EFCAB11: variants seen among roughly 807,000 people sequenced by gnomAD.
EFCAB11 encodes the protein EF-hand calcium-binding domain-containing protein 11.
EFCAB11 carries 14 observed loss-of-function variants against 23.0 expected under a neutral mutation model. The observed-to-expected ratio is 0.61, with a 90% confidence interval of 0.40 to 0.95. The LOEUF (loss-of-function observed/expected upper bound fraction) is 0.95. Ranked by LOEUF, EFCAB11 falls within the 40% of genes least tolerant of loss-of-function variation. The probability of loss-of-function intolerance (pLI) is 0.00; values close to 1 mark genes in which losing one functional copy is unlikely to be tolerated. For missense variants in EFCAB11, 198 were observed against 195.8 expected (o/e 1.01, Z -0.07); for synonymous variants, 65 against 66.6 (o/e 0.98, Z 0.11).
intron 5 of EFCAB11, among the ~76,000 whole-genome samples, chr14:89,807,021 T>C (rs565580011): frequency 1.3e-5 from 2 of 152,254 alleles, no homozygotes; most frequent in Admixed American, 6.5e-5. Context: ...ATATGAAATA[T>C]GAATGGAGAG....
intron 5 of EFCAB11, among the ~76,000 whole-genome samples, chr14:89,914,790 A>AG (rs897456748): frequency 1.3e-5 from 2 of 151,952 alleles, no homozygotes; most frequent in African/African-American, 4.8e-5. Context: ...GGTCTCGAAA[A>AG]GAAAAAAAAA....
At chr14:89,932,305 T>G (rs560562485) in intron 4 of EFCAB11, among the ~76,000 whole-genome samples, 1 of 152,256 alleles carries the variant, frequency 6.6e-6, no homozygotes, top group South Asian at 2.1e-4. Context: ...GTACAATATA[T>G]TAGTACAACT....
chr14:89,870,974 C>T (rs990123972), intron 5 of EFCAB11, among the ~76,000 whole-genome samples: 1 of 152,108 alleles, frequency 6.6e-6, no homozygotes, highest in South Asian at 2.1e-4. Context: ...AAACATAGCT[C>T]CCGCTGTGTT....
intron 3 of EFCAB11, among the ~76,000 whole-genome samples, chr14:89,943,044 C>T (rs912401914): frequency 3.9e-5 from 6 of 152,132 alleles, no homozygotes; most frequent in Admixed American, 2.6e-4. Context: ...GAATGTGAGT[C>T]TGACCTTGCC....
intron 5 of EFCAB11, among the ~76,000 whole-genome samples, chr14:89,844,006 G>A (rs1215130639): frequency 6.6e-6 from 1 of 152,178 alleles, no homozygotes; most frequent in Non-Finnish European, 1.5e-5. Flanking sequence ...ACTCCATTCA[G>A]TTTTGAGAAA....
chr14:89,876,033 T>TA (rs1347234081), intron 5 of EFCAB11, among the ~76,000 whole-genome samples: 1 of 152,124 alleles, frequency 6.6e-6, no homozygotes, highest in Non-Finnish European at 1.5e-5. Flanking sequence ...GGGTGAAGGT[T>TA]ACATTTGGCA....
intron 5 of EFCAB11, among the ~76,000 whole-genome samples, chr14:89,887,602 A>G (rs149633042): frequency 1.5e-4 from 23 of 152,332 alleles, no homozygotes; most frequent in African/African-American, 5.3e-4. Context: ...ATAAAGTAAC[A>G]CTGAAAATAA....
At chr14:89,803,221 CTAATA>C (rs1885845021) in intron 5 of EFCAB11, among the ~76,000 whole-genome samples, 2 of 152,194 alleles carry the variant, frequency 1.3e-5, no homozygotes, top group Admixed American at 6.5e-5. Flanking sequence ...TCTACACTTA[CTAATA>C]TAATTGCTTT....
At chr14:89,925,864 C>T (rs537363448) in intron 5 of EFCAB11, among the ~76,000 whole-genome samples, 7 of 151,428 alleles carry the variant, frequency 4.6e-5, no homozygotes, top group South Asian at 2.1e-4. Flanking sequence ...AGTCTTGCTC[C>T]GTCGCCCAGG....
intron 5 of EFCAB11, among the ~76,000 whole-genome samples, chr14:89,876,116 G>A (rs1215254744): frequency 6.6e-6 from 1 of 152,198 alleles, no homozygotes; most frequent in Admixed American, 6.5e-5. Flanking sequence ...ATACTGTACT[G>A]AGTTCAGAAG....
intron 5 of EFCAB11, 26 bp from the exon 6 acceptor site, chr14:89,797,350 T>C: frequency 6.2e-7 from 1 of 1,605,566 alleles, no homozygotes; most frequent in South Asian, 1.1e-5. Flanking sequence ...AAAAGTCATT[T>C]ACACATTATT....
chr14:89,921,902 T>C (rs1405124603), intron 5 of EFCAB11, among the ~76,000 whole-genome samples: 4 of 152,220 alleles, frequency 2.6e-5, no homozygotes, highest in Non-Finnish European at 5.9e-5. Context: ...ATTTTATAAA[T>C]ATGACATTCA....
At chr14:89,810,755 CAAAA>C (rs374599977) in intron 5 of EFCAB11, among the ~76,000 whole-genome samples, 3 of 114,212 alleles carry the variant, frequency 2.6e-5, no homozygotes, top group African/African-American at 7.2e-5. Context: ...GACTCCGTCT[CAAAA>C]AAAAAAAAAA....
At chr14:89,918,238 A>G (rs150701271) in intron 5 of EFCAB11, among the ~76,000 whole-genome samples, 6 of 152,180 alleles carry the variant, frequency 3.9e-5, no homozygotes, top group Non-Finnish European at 5.9e-5. Flanking sequence ...CCTTTTCCTC[A>G]GAAATAAAAT....
At chr14:89,813,423 C>A (rs909256647) in intron 5 of EFCAB11, among the ~76,000 whole-genome samples, 2 of 152,130 alleles carry the variant, frequency 1.3e-5, no homozygotes, top group Non-Finnish European at 2.9e-5. Flanking sequence ...AAAACTCACA[C>A]TCATCTTAAC....
intron 5 of EFCAB11, among the ~76,000 whole-genome samples, chr14:89,854,400 C>T (rs1887688565): frequency 6.6e-6 from 1 of 152,108 alleles, no homozygotes; most frequent in Non-Finnish European, 1.5e-5. Flanking sequence ...CTGCCCATTG[C>T]TCCCCTCCTC....
chr14:89,870,972 C>G (rs1056447193), intron 5 of EFCAB11, among the ~76,000 whole-genome samples: 1 of 152,004 alleles, frequency 6.6e-6, no homozygotes, highest in African/African-American at 2.4e-5. Flanking sequence ...CAAAACATAG[C>G]TCCCGCTGTG....
Position 89,898,521 on chromosome 14 carries a change from T to C in EFCAB11, c.410+33020A>G, listed in dbSNP as rs576472252. The stretch of plus-strand genomic sequence containing the variant: ...CTGGAACTATAGGCCCATGCCACCA[T>C]GTGTGGCTAATTTTTGTATTTTTGG... On this transcript the variant is annotated intron_variant, in intron 5 of 5. Coordinates refer to ENST00000316738, the MANE Select transcript of EFCAB11 (RefSeq NM_145231.4). Among the ~76,000 whole-genome samples, 317 of 152,218 alleles carry C rather than the reference T, an allele frequency of 2.1e-3. 1 individual carries two copies. Among genetic ancestry groups the C allele is most frequent in the African/African-American group, 7.2e-3 (301 of 41,532 alleles).
intron 2 of EFCAB11, among the ~76,000 whole-genome samples, chr14:89,951,324 G>A (rs1313144692): frequency 1.3e-5 from 2 of 151,752 alleles, no homozygotes; most frequent in African/African-American, 4.8e-5. Context: ...AGTCATCAGG[G>A]CCTAACTTGT....
Sources: gnomAD v4.1 joint callset for allele counts (sites outside exome capture counted in the v4.1 genomes callset) on GRCh38, gnomAD v4.1.1 for gene constraint, MANE v1.5 for transcripts, NCBI Gene and HGNC (gene_info 2026-07-23, HGNC 2026-07-21) for gene names.